MTRF1: variants seen among roughly 807,000 people sequenced by gnomAD.
MTRF1 encodes peptide chain release factor 1, mitochondrial.
Under a neutral mutation model 62.9 loss-of-function variants are expected in MTRF1, and 51 were observed. The observed-to-expected ratio is 0.81, with a 90% confidence interval of 0.65 to 1.02. The LOEUF (loss-of-function observed/expected upper bound fraction) is 1.02. MTRF1 is among the 50% of genes least tolerant of loss of function. The pLI, the probability that MTRF1 is intolerant of heterozygous loss-of-function variation, is 0.00. For missense variants in MTRF1, 446 were observed against 530.0 expected (o/e 0.84, Z 1.56); for synonymous variants, 158 against 181.9 (o/e 0.87, Z 1.06).
chr13:41,220,534 T>TACCTAA, intron 9 of MTRF1: 1 of 1,236,990 alleles, frequency 8.1e-7, no homozygotes, highest in South Asian at 1.3e-5. Flanking sequence ...GTAAGAAAGT[T>TACCTAA]ACCTAACAGA....
chr13:41,250,618 C>T (rs9532752), intron 5 of MTRF1, among the ~76,000 whole-genome samples: 8,352 of 152,050 alleles, frequency 0.055, 271 homozygotes, highest in Middle Eastern at 0.11. Flanking sequence ...CTCAGCCTCC[C>T]GAGTAGCTGA....
the MTRF1 span, among the ~76,000 whole-genome samples, chr13:41,295,157 A>G: frequency 6.6e-6 from 1 of 152,098 alleles, no homozygotes; most frequent in Non-Finnish European, 1.5e-5. Context: ...CAATGTTTTT[A>G]TCAATTCCTG....
At chr13:41,220,488 T>C (rs2033100742) in intron 9 of MTRF1, 1 of 845,800 alleles carries the variant, frequency 1.2e-6, no homozygotes, top group South Asian at 1.4e-5. Context: ...CAATACATTA[T>C]ATGGTAGTCT....
intron 5 of MTRF1, among the ~76,000 whole-genome samples, chr13:41,241,855 G>A (rs578116758): frequency 7.9e-5 from 12 of 152,180 alleles, no homozygotes; most frequent in African/African-American, 1.2e-4. Flanking sequence ...ACACCAGCTC[G>A]AGCCCTTTGG....
At chr13:41,270,237 C>T in the MTRF1 span, among the ~76,000 whole-genome samples, 1 of 152,128 alleles carries the variant, frequency 6.6e-6, no homozygotes, top group Non-Finnish European at 1.5e-5. Context: ...ATTTTTATGA[C>T]ATTTCTAACA....
At chr13:41,299,507 T>C in the MTRF1 span, among the ~76,000 whole-genome samples, 1 of 152,182 alleles carries the variant, frequency 6.6e-6, no homozygotes, top group South Asian at 2.1e-4. Context: ...TTCTAGATAT[T>C]TGCATGAGGA....
chr13:41,216,563 T>G lies in MTRF1; in HGVS notation c.*552A>C, dbSNP rs540953983. On this transcript the variant is annotated 3_prime_UTR_variant, in exon 10 of 10. Coordinates refer to ENST00000379480, the MANE Select transcript of MTRF1 (RefSeq NM_004294.4). ...TATGGTTTTTCTTTATGTTTTGAGT[T>G]TTTTTGTAGACATGGGGTCTATTTT... 53 of 152,188 alleles carry G rather than the reference T, an allele frequency of 3.5e-4. No individual in the cohort carries two copies. The highest frequency in any genetic ancestry group is 1.2e-3 in the African/African-American group (51 of 41,532). 9.4% of individuals were successfully genotyped at this position (152,188 alleles called of 1,614,324 possible).
upstream of MTRF1, among the ~76,000 whole-genome samples, chr13:41,266,033 A>T (rs2040833506): frequency 1.3e-5 from 2 of 152,028 alleles, no homozygotes; most frequent in Admixed American, 6.6e-5. Context: ...TATTTTTAGT[A>T]GAGATGGGGT....
At chr13:41,271,583 A>C in the MTRF1 span, among the ~76,000 whole-genome samples, 3 of 151,892 alleles carry the variant, frequency 2.0e-5, no homozygotes, top group African/African-American at 7.3e-5. Flanking sequence ...CAGAGGTCTA[A>C]GATCTCCGAG....
the MTRF1 span, among the ~76,000 whole-genome samples, chr13:41,300,416 C>G: frequency 6.6e-6 from 1 of 152,066 alleles, no homozygotes; most frequent in Admixed American, 6.6e-5. Context: ...GAAACCCCGT[C>G]TCTACTAAAA....
chr13:41,273,709 C>T, the MTRF1 span, among the ~76,000 whole-genome samples: 21 of 152,194 alleles, frequency 1.4e-4, no homozygotes, highest in African/African-American at 4.1e-4. Context: ...TGGTGGTGCA[C>T]ACCTGCAATC....
At chr13:41,283,995 T>C in the MTRF1 span, among the ~76,000 whole-genome samples, 2 of 150,638 alleles carry the variant, frequency 1.3e-5, no homozygotes, top group Non-Finnish European at 3.0e-5. Flanking sequence ...TTGGGTACAA[T>C]GTCCATCCCC....
rs2031977955 is a variant in MTRF1 at position 41,216,657 on chromosome 13, A to G, written c.*458T>C. On this transcript the variant is annotated 3_prime_UTR_variant, in exon 10 of 10. Coordinates refer to ENST00000379480, the MANE Select transcript of MTRF1 (RefSeq NM_004294.4). The stretch of plus-strand genomic sequence containing the variant: ...TTTGGCCCTTCAAAGCACTGGGATT[A>G]CAGGCATAAGCATCCACTATAGGCC... The G allele has an allele frequency of 6.6e-6, 1 of 152,244 alleles. No homozygotes were observed. Among genetic ancestry groups the G allele is most frequent in the African/African-American group, 2.4e-5 (1 of 41,430 alleles). The allele number at this position is 152,244 out of a possible 1,614,324, so 9.4% of individuals were successfully genotyped here.
chr13:41,292,790 C>A, the MTRF1 span, among the ~76,000 whole-genome samples: 22 of 151,908 alleles, frequency 1.4e-4, no homozygotes, highest in African/African-American at 5.3e-4. Flanking sequence ...AATAAATTAG[C>A]TAGGTGGTGG....
At chr13:41,268,686 T>C in the MTRF1 span, among the ~76,000 whole-genome samples, 3 of 152,316 alleles carry the variant, frequency 2.0e-5, no homozygotes, top group Admixed American at 6.5e-5. Context: ...AGAGTGTTCC[T>C]ATTTCACGTC....
the MTRF1 span, among the ~76,000 whole-genome samples, chr13:41,293,449 G>A: frequency 6.4e-4 from 98 of 152,260 alleles, no homozygotes; most frequent in African/African-American, 2.1e-3. Flanking sequence ...ATCTTTCTCT[G>A]CTAGATATCT....
intron 2 of MTRF1, chr13:41,257,730 C>T (rs1245309254): frequency 4.6e-6 from 2 of 434,410 alleles, no homozygotes; most frequent in Admixed American, 2.4e-5. Context: ...TCCAGGAGTT[C>T]AAGGTTAAAG....
At chr13:41,274,359 T>C in the MTRF1 span, among the ~76,000 whole-genome samples, 1 of 152,208 alleles carries the variant, frequency 6.6e-6, no homozygotes, top group Non-Finnish European at 1.5e-5. Flanking sequence ...GAAAACACAC[T>C]TTCAAACTTA....
chr13:41,311,511 G>C, the MTRF1 span: 2 of 1,592,668 alleles, frequency 1.3e-6, no homozygotes, highest in South Asian at 2.3e-5. Context: ...CGGCCACCTA[G>C]CCTCCCTGCC....
Sources: allele counts gnomAD v4.1 joint callset (sites outside exome capture counted in the v4.1 genomes callset), GRCh38; gene constraint gnomAD v4.1.1; transcripts MANE v1.5; gene names NCBI Gene and HGNC (gene_info 2026-07-23, HGNC 2026-07-21).